ABCA6: variants seen among roughly 807,000 people sequenced by gnomAD.
ABCA6 encodes ATP-binding cassette sub-family A member 6.
In ABCA6, 164 loss-of-function variants were observed where a neutral mutation model predicts 191.2. That is an observed-to-expected ratio of 0.86 (90% CI 0.76 to 0.98). ABCA6 has a LOEUF of 0.98. Ranked by LOEUF, ABCA6 falls within the 50% of genes least tolerant of loss-of-function variation. The probability of loss-of-function intolerance (pLI) is 0.00; values close to 1 mark genes in which losing one functional copy is unlikely to be tolerated. For synonymous variants in ABCA6, 636 were observed against 647.7 expected (o/e 0.98, Z 0.27); for missense variants, 1,958 against 1,894.1 (o/e 1.03, Z -0.63).
chr17:69,102,331 A>C (rs2073199813), intron 21 of ABCA6, among the ~76,000 whole-genome samples: 1 of 152,188 alleles, frequency 6.6e-6, no homozygotes, highest in African/African-American at 2.4e-5. Context: ...TAACACAGCA[A>C]GACTCTGCCT....
chr17:69,091,690 T>A lies in ABCA6; in HGVS notation c.3409-428A>T, dbSNP rs2072926996. On this transcript the variant is annotated intron_variant, in intron 25 of 38. Coordinates refer to ENST00000284425, the MANE Select transcript of ABCA6 (RefSeq NM_080284.3). ...GGCGCCCGCCACTACGCCCGGCTAA[T>A]TTTTTGTATTTTTAGTAGAGACGGG... is the stretch of plus-strand genomic sequence containing the variant. Among the ~76,000 whole-genome samples the A allele has an allele frequency of 2.8e-5, 2 of 72,236 alleles. 1 individual carries two copies. Among genetic ancestry groups the A allele is most frequent in the African/African-American group, 1.5e-4 (2 of 13,410 alleles). The allele number at this position is 72,236 out of a possible 152,430, so 47.4% of individuals were successfully genotyped here. A position where few individuals can be genotyped will look rare whatever the true frequency, so the allele number is the denominator to read the frequency against.
rs757251104 is a variant in ABCA6 at position 69,137,498 on chromosome 17, T to C, written c.99A>G (p.Glu33=). 21 of 1,610,988 alleles carry C rather than the reference T, an allele frequency of 1.3e-5. No individual in the cohort carries two copies. Among genetic ancestry groups the C allele is most frequent in the Non-Finnish European group, 1.5e-5 (18 of 1,178,702 alleles). The part of the protein sequence containing the change: ...KWRMKRESLL[E]WGLSILLGLC... ...GTCCTAGAAGTATTGAGAGGCCCCATTCCTGTAATGCATATAAAAAGAAAA... is the reference window on the plus strand; with the variant it reads ...GTCCTAGAAGTATTGAGAGGCCCCACTCCTGTAATGCATATAAAAAGAAAA... The change falls in exon 3 of 39, where the codon GAA becomes GAG. Residue 33 remains glutamate (E), a splice_region_variant and synonymous_variant. Coordinates refer to ENST00000284425, the MANE Select transcript of ABCA6 (RefSeq NM_080284.3).
In ABCA6 at chr17:69,085,103, G is replaced by A. The variant is rs369645216; in HGVS notation, c.4109C>T (p.Thr1370Met). The stretch of plus-strand genomic sequence containing the variant: ...ATACACCTCCAGGTGTTCCCTCAAC[G>A]TCAGCATGGGCCACAGCACGTTCTC... ...PQENVLWPML[T>M]LREHLEVYAA... The change falls in exon 32 of 39, where the codon ACG becomes ATG. Residue 1370 changes from threonine to methionine, a missense_variant. Thr to Met is a moderately conservative substitution (Grantham distance 81). Transcript: ENST00000284425. 6.2e-7 allele frequency: 1 copy of A among 1,613,322 alleles called. No individual in the cohort carries two copies. Among genetic ancestry groups the A allele is most frequent in the Admixed American group, 1.7e-5 (1 of 59,890 alleles).
In ABCA6 at chr17:69,085,713, T is replaced by G; in HGVS notation, c.3941A>C (p.Glu1314Ala). Residue 1314 changes from glutamate (E) to alanine (A), a missense_variant, in exon 31 of 39, where the codon GAA becomes GCA. Transcript: ENST00000284425. Reference protein sequence around the residue: ...RNISFCVQEGEILGLLGPNGA... With the variant: ...RNISFCVQEGAILGLLGPNGA... Reference sequence around the variant, plus strand: ...ATTGGGTCCTAGCAATCCCAAAATTTCACCTGAAAGAAAGAATCAGACTAT... The same window carrying G: ...ATTGGGTCCTAGCAATCCCAAAATTGCACCTGAAAGAAAGAATCAGACTAT... The G allele has an allele frequency of 2.5e-6, 4 of 1,595,110 alleles. No homozygotes were observed. The highest frequency in any genetic ancestry group is 3.4e-6 in the Non-Finnish European group (4 of 1,165,018).
intron 16 of ABCA6, 100 bp from the exon 17 acceptor site, chr17:69,111,040 T>G: frequency 8.3e-7 from 1 of 1,199,758 alleles, no homozygotes; most frequent in Non-Finnish European, 1.1e-6. Flanking sequence ...ACAACTTTAC[T>G]TGGCTTTATG....
At chr17:69,095,564 G>T (rs551406636) in intron 25 of ABCA6, 29 of 152,274 alleles carry the variant, frequency 1.9e-4, no homozygotes, top group African/African-American at 6.5e-4. Flanking sequence ...CAAAAAAAAC[G>T]CAATTGCTCT....
chr17:69,125,026 G>T lies in ABCA6; in HGVS notation c.1129C>A (p.Leu377Met). 1.5e-6 allele frequency: 2 copies of T among 1,376,554 alleles called. No individual in the cohort carries two copies. The highest frequency in any genetic ancestry group is 1.9e-6 in the Non-Finnish European group (2 of 1,039,874). 85.3% of individuals were successfully genotyped at this position (1,376,554 alleles called of 1,614,324 possible). ...FTTGMIQIIK[L>M]DYNLNGVIFP... ...ATTACACCATTCAAGTTATAATCCAGTTTGATAATCTAAGATTCAAAAAAT... is the reference window on the plus strand; with the variant it reads ...ATTACACCATTCAAGTTATAATCCATTTTGATAATCTAAGATTCAAAAAAT... The change falls in exon 9 of 39, where the codon CTG becomes ATG. Residue 377 changes from leucine to methionine, a missense_variant. Transcript: ENST00000284425.
rs1411355116 is a variant in ABCA6, at chr17:69,107,684, A to G, written c.2389+12T>C. The G allele has an allele frequency of 2.0e-6, 3 of 1,533,004 alleles. No homozygotes were observed. The highest frequency in any genetic ancestry group is 3.4e-4 in the Middle Eastern group (2 of 5,864). The allele number at this position is 1,533,004 out of a possible 1,614,324, so 95.0% of individuals were successfully genotyped here. ...GGAATTGGTTTTCTGTGAATTATAC[A>G]AATGGCTTTACCTTGTTCGATAGTT... On this transcript the variant is annotated intron_variant, in intron 18 of 38. Coordinates refer to ENST00000284425, the MANE Select transcript of ABCA6 (RefSeq NM_080284.3).
chr17:69,126,151 C>A (rs916147957), intron 8 of ABCA6, among the ~76,000 whole-genome samples: 7 of 151,846 alleles, frequency 4.6e-5, no homozygotes, highest in African/African-American at 1.5e-4. Flanking sequence ...TGTATAAAAC[C>A]CAGAAAAATA....
intron 13 of ABCA6, among the ~76,000 whole-genome samples, chr17:69,114,453 T>C (rs554346965): frequency 8.0e-5 from 12 of 150,332 alleles, no homozygotes; most frequent in African/African-American, 2.7e-4. Context: ...TTAGGAGATA[T>C]ACCTAATGTT....
intron 10 of ABCA6, among the ~76,000 whole-genome samples, chr17:69,119,455 A>G (rs993423806): frequency 1.3e-5 from 2 of 151,888 alleles, no homozygotes; most frequent in Non-Finnish European, 2.9e-5. Flanking sequence ...TCCTTTCCCT[A>G]CTTTCAGTTT....
In ABCA6 at chr17:69,102,979, G is replaced by A. The variant is rs1472468504; in HGVS notation, c.2741-11C>T. On this transcript the variant is annotated splice_polypyrimidine_tract_variant and intron_variant, in intron 20 of 38. Transcript: ENST00000284425. ...CTTCAATATTTGATTCTAATATGAA[G>A]TTAATAAGAGAAGGCCATAGAAAAG... The A allele has an allele frequency of 6.1e-6, 9 of 1,465,184 alleles. No homozygotes were observed. Among genetic ancestry groups the A allele is most frequent in the Non-Finnish European group, 8.4e-6 (9 of 1,065,886 alleles). 90.8% of individuals were successfully genotyped at this position (1,465,184 alleles called of 1,614,324 possible). A position where few individuals can be genotyped will look rare whatever the true frequency, so the allele number is the denominator to read the frequency against.
chr17:69,125,100 A>G, intron 8 of ABCA6, 65 bp from the exon 9 acceptor site: 1 of 896,728 alleles, frequency 1.1e-6, no homozygotes, highest in Non-Finnish European at 1.5e-6. Flanking sequence ...CATAGCAGGA[A>G]AAAGTATTAA....
At chr17:69,097,386 A>G (rs562951171) in intron 23 of ABCA6, among the ~76,000 whole-genome samples, 2 of 140,604 alleles carry the variant, frequency 1.4e-5, no homozygotes, top group African/African-American at 6.3e-5. Context: ...GTGAGACTCC[A>G]TCTCAAAAAA....
At chr17:69,114,546 CTAACT>C (rs1274667474) in intron 13 of ABCA6, among the ~76,000 whole-genome samples, 1 of 152,098 alleles carries the variant, frequency 6.6e-6, no homozygotes, top group Admixed American at 6.6e-5. Flanking sequence ...CACATGTACC[CTAACT>C]TAAAGTATAA....
chr17:69,086,486 AATATAT>A (rs68086602), intron 30 of ABCA6, 126 bp downstream of exon 30: 6,291 of 161,372 alleles, frequency 0.039, 110 homozygotes, highest in African/African-American at 0.061. Flanking sequence ...TGGCACACTA[AATATAT>A]ATATATATAT....
At position 69,113,275 on chromosome 17, in the gene ABCA6, T is replaced by C. The variant is rs373704032; in HGVS notation, c.1988A>G (p.Asp663Gly). 5.6e-6 allele frequency: 9 copies of C among 1,604,862 alleles called. No individual in the cohort carries two copies. Among genetic ancestry groups the C allele is most frequent in the Non-Finnish European group, 6.8e-6 (8 of 1,177,314 alleles). ...VWSLLRERRA[D>G]HVILFSTQSM... is the part of the protein sequence containing the mutation. ...CTGGGTACTGAAAAGGATCACATGA[T>C]CTGCTCTACGCTCTCTCAGGAGGCT... The change falls in exon 15 of 39, where the codon GAT becomes GGT. Residue 663 changes from aspartate (D) to glycine (G), a missense_variant. Asp to Gly is a moderately conservative substitution (Grantham distance 94). Transcript: ENST00000284425.
chr17:69,105,496 T>C lies in ABCA6; in HGVS notation c.2706A>G (p.Glu902=), dbSNP rs760327680. Residue 902 remains glutamate, a synonymous_variant, in exon 20 of 39, where the codon GAA becomes GAG. Coordinates refer to ENST00000284425, the MANE Select transcript of ABCA6 (RefSeq NM_080284.3). ...YFLSPGQLPQ[E]PRTSLLIINN... The stretch of plus-strand genomic sequence containing the variant: ...TGATGATCAACAGGCTGGTACGGGG[T>C]TCCTGGGGAAGTTGTCCAGGAGAGA... The C allele has an allele frequency of 4.3e-6, 7 of 1,610,620 alleles. No individual in the cohort carries two copies. The highest frequency in any genetic ancestry group is 4.0e-5 in the African/African-American group (3 of 74,800).
chr17:69,083,786 T>C (rs553193772), intron 34 of ABCA6, among the ~76,000 whole-genome samples: 16 of 152,232 alleles, frequency 1.1e-4, no homozygotes, highest in South Asian at 1.0e-3. Context: ...TGAAACTAGA[T>C]TGAAGATTTT....
Sources: gnomAD v4.1 joint callset for allele counts (sites outside exome capture counted in the v4.1 genomes callset) on GRCh38, gnomAD v4.1.1 for gene constraint, MANE v1.5 for transcripts, NCBI Gene and HGNC (gene_info 2026-07-23, HGNC 2026-07-21) for gene names.